The following HDAC9 variants were observed in gnomAD, a reference collection of about 807,000 sequenced individuals.
HDAC9 encodes the protein MEF-2 interacting transcription repressor (MITR) protein.
A neutral mutation model predicts 139.4 loss-of-function variants in HDAC9; 41 were observed. That is an observed-to-expected ratio of 0.29 (90% CI 0.23 to 0.38). The LOEUF is 0.38. Ranked by LOEUF, HDAC9 falls within the 10% of genes least tolerant of loss-of-function variation. HDAC9 has a pLI of 1.00. For synonymous variants in HDAC9, 517 were observed against 476.2 expected (o/e 1.09, Z -1.12); for missense variants, 1,147 against 1,297.0 (o/e 0.88, Z 1.78).
Position 18,530,489 on chromosome 7 carries a change from A to AATGATTTAT in HDAC9, c.22+34167_22+34175dup, listed in dbSNP as rs371193977. Among the ~76,000 whole-genome samples, 948 of 152,204 alleles carry AATGATTTAT rather than the reference A, an allele frequency of 6.2e-3. 12 individuals carry two copies. The highest frequency in any genetic ancestry group is 0.022 in the African/African-American group (897 of 41,516). On this transcript the variant is annotated intron_variant, in intron 2 of 25. Transcript: ENST00000686413. ...CTTCTAATGCTGTGTAGCTCTAACA[A>AATGATTTAT]ATGATTTATACTGGTTTTCCATTTA... is the stretch of plus-strand genomic sequence containing the variant.
chr7:18,758,895 G>C (rs1177658498), intron 14 of HDAC9, among the ~76,000 whole-genome samples: 2 of 151,714 alleles, frequency 1.3e-5, no homozygotes, highest in Non-Finnish European at 2.9e-5. Context: ...AGCAGAAGGT[G>C]ATTGCCAAGA....
intron 2 of HDAC9, among the ~76,000 whole-genome samples, chr7:18,215,568 G>A (rs1792247910): frequency 6.6e-6 from 1 of 152,078 alleles, no homozygotes; most frequent in Admixed American, 6.6e-5. Context: ...ATTTTATGTG[G>A]CAGTGTTGAG....
intron 2 of HDAC9, among the ~76,000 whole-genome samples, chr7:18,285,261 A>G (rs1252924215): frequency 6.6e-6 from 1 of 152,044 alleles, no homozygotes; most frequent in African/African-American, 2.4e-5. Flanking sequence ...CTTACTCAGT[A>G]TTGTTCATTT....
intron 1 of HDAC9, among the ~76,000 whole-genome samples, chr7:18,374,277 G>A (rs899246691): frequency 6.6e-6 from 1 of 151,184 alleles, no homozygotes; most frequent in African/African-American, 2.4e-5. Context: ...TGTAGGTGTA[G>A]GTGTGTGTAT....
chr7:18,865,968 A>T (rs977544241), intron 21 of HDAC9, among the ~76,000 whole-genome samples: 3 of 151,460 alleles, frequency 2.0e-5, no homozygotes, highest in Non-Finnish European at 4.4e-5. Flanking sequence ...ATTATAAATT[A>T]TACAGGGGAT....
chr7:18,611,796 C>A (rs567221507), intron 6 of HDAC9, among the ~76,000 whole-genome samples: 2 of 152,042 alleles, frequency 1.3e-5, no homozygotes, highest in African/African-American at 4.8e-5. Context: ...GAATAAAGTT[C>A]AAAATCTTTT....
chr7:18,734,854 C>A (rs958380218), intron 13 of HDAC9, among the ~76,000 whole-genome samples: 9 of 152,204 alleles, frequency 5.9e-5, no homozygotes, highest in Non-Finnish European at 1.2e-4. Context: ...CTCCCACCAA[C>A]AGTGTAAAAG....
chr7:18,522,202 C>T (rs1467183733), intron 2 of HDAC9, among the ~76,000 whole-genome samples: 1 of 152,148 alleles, frequency 6.6e-6, no homozygotes, highest in Non-Finnish European at 1.5e-5. Flanking sequence ...CTGTGAATGG[C>T]TAAGTTGGCT....
At chr7:18,920,392 G>A (rs1053611907) in intron 22 of HDAC9, among the ~76,000 whole-genome samples, 2 of 151,976 alleles carry the variant, frequency 1.3e-5, no homozygotes, top group Non-Finnish European at 2.9e-5. Context: ...GGAGATTTTG[G>A]GCTGAGACAA....
Position 18,157,557 on chromosome 7 carries a change from T to C in HDAC9, c.-96-4672T>C, listed in dbSNP as rs779474562. Among the ~76,000 whole-genome samples the C allele has an allele frequency of 8.0e-4, 122 of 152,246 alleles. 1 individual carries two copies. Among genetic ancestry groups the C allele is most frequent in the Non-Finnish European group, 1.5e-3 (100 of 68,004 alleles). The stretch of plus-strand genomic sequence containing the variant: ...ATTAATTGAGCTAAGGCAGTATTAA[T>C]TGAAATGGAAAGGAGGATTCAGATA... On this transcript the variant is annotated intron_variant, in intron 1 of 12. Coordinates refer to the HDAC9 transcript ENST00000417496.
At position 18,732,626 on chromosome 7, in the gene HDAC9, C is replaced by G. The variant is rs988747068; in HGVS notation, c.1909+4869C>G. 1.4e-5 allele frequency among the ~76,000 whole-genome samples: 2 copies of G among 139,230 alleles called. 1 individual carries two copies. Among genetic ancestry groups the G allele is most frequent in the Admixed American group, 1.4e-4 (2 of 14,378 alleles). 91.3% of individuals were successfully genotyped at this position (139,230 alleles called of 152,430 possible). On this transcript the variant is annotated intron_variant, in intron 13 of 25. Transcript: ENST00000686413. ...GTGTGCATATGTGTATATACACACACGTGTATATGTGTGCATATGTGTATA... is the reference window on the plus strand; with the variant it reads ...GTGTGCATATGTGTATATACACACAGGTGTATATGTGTGCATATGTGTATA...
intron 1 of HDAC9, among the ~76,000 whole-genome samples, chr7:18,321,176 C>G (rs1800004062): frequency 6.6e-6 from 1 of 152,148 alleles, no homozygotes. Context: ...TTGAGTCCAC[C>G]TAGTGGAGGA....
chr7:18,622,735 T>C (rs1474983711), intron 6 of HDAC9, among the ~76,000 whole-genome samples: 2 of 152,072 alleles, frequency 1.3e-5, no homozygotes, highest in African/African-American at 4.8e-5. Flanking sequence ...ATTTTCCATT[T>C]TTTCCTTATG....
intron 6 of HDAC9, 83 bp downstream of exon 6, chr7:18,594,112 C>CA: frequency 6.8e-7 from 1 of 1,481,180 alleles, no homozygotes; most frequent in Non-Finnish European, 9.3e-7. Flanking sequence ...AGAAGAAAGT[C>CA]AAAGGATTTG....
In HDAC9 at chr7:19,001,557, AAAC is replaced by A. The variant is rs890480620; in HGVS notation, c.*5498_*5500del. 4.6e-5 allele frequency: 7 copies of A among 151,156 alleles called. No homozygotes were observed. Among genetic ancestry groups the A allele is most frequent in the East Asian group, 1.9e-4 (1 of 5,168 alleles). The allele number at this position is 151,156 out of a possible 1,614,324, so 9.4% of individuals were successfully genotyped here. A position where few individuals can be genotyped will look rare whatever the true frequency, so the allele number is the denominator to read the frequency against. ...ACAGAAATGGAGTAATTAAAAAAAA[AAAC>A]AAAAAACAGAGAAGAATTGCAAAAT... On this transcript the variant is annotated 3_prime_UTR_variant, in exon 26 of 26. Coordinates refer to ENST00000686413, the MANE Select transcript of HDAC9 (RefSeq NM_178425.4).
intron 1 of HDAC9, among the ~76,000 whole-genome samples, chr7:18,333,432 T>C (rs745317172): frequency 1.2e-4 from 18 of 151,496 alleles, no homozygotes; most frequent in Non-Finnish European, 2.5e-4. Context: ...ATAGTAACTA[T>C]GTGAGATGAT....
intron 21 of HDAC9, among the ~76,000 whole-genome samples, chr7:18,843,033 A>G (rs1796687385): frequency 6.6e-6 from 1 of 152,138 alleles, no homozygotes. Flanking sequence ...CGGATCAGCT[A>G]TAAAAATTTT....
chr7:18,288,308 C>A (rs1022950457), upstream of HDAC9, among the ~76,000 whole-genome samples: 1 of 152,176 alleles, frequency 6.6e-6, no homozygotes, highest in Non-Finnish European at 1.5e-5. Flanking sequence ...GTGTTCTTTA[C>A]TTTTACCATC....
At chr7:18,969,094 T>A (rs1302452144) in intron 24 of HDAC9, among the ~76,000 whole-genome samples, 1 of 149,164 alleles carries the variant, frequency 6.7e-6, no homozygotes, top group Non-Finnish European at 1.5e-5. Flanking sequence ...GTGCACAGAG[T>A]GCTGCATGTA....
Sources: gnomAD v4.1 joint callset for allele counts (sites outside exome capture counted in the v4.1 genomes callset) on GRCh38, gnomAD v4.1.1 for gene constraint, MANE v1.5 for transcripts, NCBI Gene and HGNC (gene_info 2026-07-23, HGNC 2026-07-21) for gene names.